Variants in EPG5 observed in about 807,000 individuals in gnomAD.
The protein encoded by EPG5 is ectopic P-granules 5 autophagy tethering factor, also known as ectopic P granules protein 5 homolog.
Under a neutral mutation model 302.7 loss-of-function variants are expected in EPG5, and 159 were observed. The observed-to-expected ratio is 0.53, with a 90% CI of 0.46 to 0.60. The LOEUF (loss-of-function observed/expected upper bound fraction) is 0.60, where lower values mean the gene tolerates loss of function less well. EPG5 is among the 20% of genes least tolerant of loss of function. The pLI is 0.00. For missense variants in EPG5, 2,896 were observed against 3,092.4 expected, an observed-to-expected ratio of 0.94 and a Z score of 1.51; for synonymous variants, 1,158 against 1,136.8, an observed-to-expected ratio of 1.02 and a Z score of -0.37.
chr18:45,865,891 T>A, intron 38 of EPG5, 132 bp from the exon 39 acceptor site: 1 of 1,055,838 alleles, frequency 9.5e-7, no homozygotes, highest in South Asian at 1.6e-5. Flanking sequence ...GGAAGCCACA[T>A]GAAGACTTAG....
At position 45,946,676 on chromosome 18, in the gene EPG5, T is replaced by G; in HGVS notation, c.1664A>C (p.Glu555Ala). 1 of 1,613,738 alleles carries G rather than the reference T, an allele frequency of 6.2e-7. No homozygotes were observed. The highest frequency in any genetic ancestry group is 8.5e-7 in the Non-Finnish European group (1 of 1,179,750). ...ATGACAAGTTACCTCTTCTCCTCCTTCGTCTACTAGCGTCCAAGTCCCAGA... is the reference window on the plus strand; with the variant it reads ...ATGACAAGTTACCTCTTCTCCTCCTGCGTCTACTAGCGTCCAAGTCCCAGA... The part of the protein sequence containing the change: ...PGSGTWTLVD[E>A]GGEEDEDPET... Residue 555 changes from glutamate (E) to alanine (A), a missense_variant, in exon 7 of 44, where the codon GAA becomes GCA. By Grantham distance (107) the Glu-to-Ala change is moderately radical. Transcript: ENST00000282041.
Position 45,889,865 on chromosome 18 carries a change from C to T in EPG5, c.4885G>A (p.Ala1629Thr). ...VLRKEVKQLQ[A>T]EAAKPPSLNI... Reference sequence around the variant, plus strand: ...AGTGATGGTGGTTTAGCAGCTTCTGCTTGCAACTGCTTCACTTCCTTCCGT... The same window carrying T: ...AGTGATGGTGGTTTAGCAGCTTCTGTTTGCAACTGCTTCACTTCCTTCCGT... Residue 1629 changes from alanine (A) to threonine (T), a missense_variant, in exon 28 of 44, where the codon GCA becomes ACA. Physicochemically the swap from Ala to Thr is moderately conservative, Grantham distance 58 (BLOSUM62 0). Transcript: ENST00000282041. 6.2e-7 allele frequency: 1 copy of T among 1,611,992 alleles called. No individual in the cohort carries two copies. The highest frequency in any genetic ancestry group is 8.5e-7 in the Non-Finnish European group (1 of 1,178,828).
At chr18:45,814,247 A>C in the EPG5 span, among the ~76,000 whole-genome samples, 2 of 152,220 alleles carry the variant, frequency 1.3e-5, no homozygotes, top group Admixed American at 1.3e-4. Flanking sequence ...GGTAACATAC[A>C]CTAATCATGA....
At chr18:45,829,240 G>C in the EPG5 span, 2 of 813,966 alleles carry the variant, frequency 2.5e-6, no homozygotes, top group Non-Finnish European at 3.0e-6. Context: ...TGGGTTAAAG[G>C]GGAAGCCAGA....
the EPG5 span, among the ~76,000 whole-genome samples, chr18:45,801,547 G>A: frequency 0.69 from 105,314 of 152,158 alleles, 36,913 homozygotes; most frequent in East Asian, 0.92. Context: ...GTAGTGCCAG[G>A]GAAGAAGGGA....
chr18:45,941,848 T>C (rs191859827), intron 9 of EPG5, among the ~76,000 whole-genome samples: 2 of 152,324 alleles, frequency 1.3e-5, no homozygotes, highest in African/African-American at 4.8e-5. Flanking sequence ...TTTTAACAAA[T>C]TTATCTCCAA....
rs184241316 is a variant in EPG5 at position 45,930,472 on chromosome 18, A to G, written c.2412+204T>C. Reference sequence around the variant, plus strand: ...CTGGTGCAACAAATTTCAAAAGATAATAAGTACTGGGGAATGGATATAATT... The same window carrying G: ...CTGGTGCAACAAATTTCAAAAGATAGTAAGTACTGGGGAATGGATATAATT... On this transcript the variant is annotated intron_variant, in intron 12 of 43. Transcript: ENST00000282041. Among the ~76,000 whole-genome samples the G allele has an allele frequency of 5.2e-3, 785 of 152,306 alleles. 12 individuals are homozygous for G. The highest frequency in any genetic ancestry group is 0.017 in the African/African-American group (689 of 41,576).
At chr18:45,878,679 A>G (rs970326270) in intron 33 of EPG5, among the ~76,000 whole-genome samples, 1 of 152,228 alleles carries the variant, frequency 6.6e-6, no homozygotes, top group Non-Finnish European at 1.5e-5. Flanking sequence ...ATAATTTTAT[A>G]ACACACTTTT....
intron 27 of EPG5, among the ~76,000 whole-genome samples, chr18:45,897,987 G>A (rs1455192570): frequency 2.0e-5 from 3 of 152,222 alleles, no homozygotes; most frequent in African/African-American, 7.2e-5. Context: ...ACAATAGGCA[G>A]TGCTAATCTC....
intron 34 of EPG5, 118 bp from the exon 35 acceptor site, chr18:45,876,460 C>T: frequency 2.9e-6 from 2 of 687,782 alleles, no homozygotes; most frequent in East Asian, 5.4e-5. Flanking sequence ...GCCTGACACA[C>T]ATTTAGAATA....
At chr18:45,839,600 C>T in the EPG5 span, among the ~76,000 whole-genome samples, 1 of 152,144 alleles carries the variant, frequency 6.6e-6, no homozygotes, top group Non-Finnish European at 1.5e-5. Context: ...CTGCAGAAGC[C>T]AGAGGAAGGT....
At chr18:45,832,931 C>T in the EPG5 span, among the ~76,000 whole-genome samples, 2 of 152,084 alleles carry the variant, frequency 1.3e-5, no homozygotes, top group South Asian at 2.1e-4. Context: ...TCCAAGTGCC[C>T]GCTTCTTTGA....
At chr18:45,915,939 G>C (rs1444948288) in intron 19 of EPG5, 70 bp downstream of exon 19, 22 of 1,365,492 alleles carry the variant, frequency 1.6e-5, no homozygotes, top group Middle Eastern at 2.6e-4. Flanking sequence ...CTGTACTTGG[G>C]GGAATCTTTT....
chr18:45,801,987 AAGGGTTGAC>A, the EPG5 span, among the ~76,000 whole-genome samples: 1 of 151,752 alleles, frequency 6.6e-6, no homozygotes, highest in African/African-American at 2.4e-5. Flanking sequence ...CTGATGGCGG[AAGGGTTGAC>A]AGGGGGCAGC....
rs781195592 is a variant in EPG5, at chr18:45,866,785, C to T, written c.6621+13G>A. The stretch of plus-strand genomic sequence containing the variant: ...GGAACAGTCTCTGCCTTTTAAACTA[C>T]CTCTCAACTTACAAGATGCTTCTGG... On this transcript the variant is annotated intron_variant, in intron 38 of 43. Transcript: ENST00000282041. The T allele has an allele frequency of 5.5e-5, 88 of 1,604,106 alleles. No homozygotes were observed. Among genetic ancestry groups the T allele is most frequent in the Non-Finnish European group, 6.7e-5 (79 of 1,170,946 alleles).
At chr18:45,966,718 C>A (rs2051272017) in intron 1 of EPG5, among the ~76,000 whole-genome samples, 1 of 152,178 alleles carries the variant, frequency 6.6e-6, no homozygotes, top group Non-Finnish European at 1.5e-5. Context: ...TCAGAAATGG[C>A]ACAGCACTAG....
chr18:45,870,331 G>C (rs531270408), intron 36 of EPG5, among the ~76,000 whole-genome samples: 3 of 152,236 alleles, frequency 2.0e-5, no homozygotes, highest in African/African-American at 7.2e-5. Flanking sequence ...GGGGATGACT[G>C]ACATATTATA....
At chr18:45,823,466 T>C in the EPG5 span, among the ~76,000 whole-genome samples, 35 of 152,248 alleles carry the variant, frequency 2.3e-4, 1 homozygote, top group Admixed American at 7.2e-4. Context: ...TGGCATTCCA[T>C]CGGTAAAGCT....
the EPG5 span, among the ~76,000 whole-genome samples, chr18:45,814,426 G>A: frequency 3.9e-5 from 6 of 152,192 alleles, no homozygotes; most frequent in African/African-American, 1.2e-4. Context: ...ATCCTGGATT[G>A]GATCTTGAGA....
Sources: allele counts gnomAD v4.1 joint callset (sites outside exome capture counted in the v4.1 genomes callset), GRCh38; gene constraint gnomAD v4.1.1; transcripts MANE v1.5; gene names NCBI Gene and HGNC (gene_info 2026-07-23, HGNC 2026-07-21).